IQSEC1: variants seen among roughly 807,000 people sequenced by gnomAD.
IQSEC1 encodes IQ motif and Sec7 domain ArfGEF 1, also known as IQ motif and SEC7 domain-containing protein 1.
A neutral mutation model predicts 91.0 loss-of-function variants in IQSEC1; 31 were observed. The observed-to-expected ratio is 0.34, with a 90% CI of 0.26 to 0.46. The LOEUF (loss-of-function observed/expected upper bound fraction) is 0.46, where lower values mean the gene tolerates loss of function less well. IQSEC1 is among the 20% of genes least tolerant of loss of function. The pLI is 1.00. For missense variants in IQSEC1, 1,388 were observed against 1,575.6 expected, an observed-to-expected ratio of 0.88 and a Z score of 2.02; for synonymous variants, 699 against 662.6, an observed-to-expected ratio of 1.05 and a Z score of -0.84.
chr3:13,179,334 CA>C (rs1166754386), intron 1 of IQSEC1, among the ~76,000 whole-genome samples: 1 of 152,014 alleles, frequency 6.6e-6, no homozygotes, highest in Non-Finnish European at 1.5e-5. Flanking sequence ...TCAAGGCAGC[CA>C]GAATAAAAAG....
At chr3:12,976,669 T>C (rs1701190534) in intron 1 of IQSEC1, among the ~76,000 whole-genome samples, 1 of 152,254 alleles carries the variant, frequency 6.6e-6, no homozygotes, top group African/African-American at 2.4e-5. Context: ...TCCATCATTA[T>C]CTGGCTTAAT....
At chr3:13,222,881 C>G (rs1286421601) in intron 1 of IQSEC1, among the ~76,000 whole-genome samples, 2 of 152,196 alleles carry the variant, frequency 1.3e-5, no homozygotes, top group Non-Finnish European at 2.9e-5. Context: ...ACTGGCTGGT[C>G]CCCCATGGCA....
chr3:13,206,520 GC>G (rs1185415788), intron 1 of IQSEC1, among the ~76,000 whole-genome samples: 1 of 152,172 alleles, frequency 6.6e-6, no homozygotes, highest in Non-Finnish European at 1.5e-5. Context: ...ATCTCCATAG[GC>G]ACATATGACC....
At chr3:13,134,551 G>A (rs765117922) in intron 2 of IQSEC1, among the ~76,000 whole-genome samples, 3 of 152,240 alleles carry the variant, frequency 2.0e-5, no homozygotes, top group African/African-American at 4.8e-5. Context: ...CTTGGCATCC[G>A]CAGCGCGAGC....
At position 13,228,680 on chromosome 3, in the gene IQSEC1, C is replaced by T. The variant is rs190185773; in HGVS notation, c.272+54031G>A. On this transcript the variant is annotated intron_variant, in intron 1 of 15. Transcript: ENST00000648114. ...AGGATCTGGCCCTGCTCACTTCCCC[C>T]ATCTCAGCTCCTTCCTCTCACCCTT... 8.2e-3 allele frequency among the ~76,000 whole-genome samples: 1,249 copies of T among 152,332 alleles called. 14 individuals carry two copies. Among genetic ancestry groups the T allele is most frequent in the Non-Finnish European group, 9.6e-3 (653 of 68,028 alleles).
intron 1 of IQSEC1, among the ~76,000 whole-genome samples, chr3:13,273,503 T>G (rs1466010867): frequency 1.3e-5 from 2 of 152,116 alleles, no homozygotes; most frequent in Non-Finnish European, 2.9e-5. Flanking sequence ...CTGGAGCCAC[T>G]CCTTTGGTTC....
chr3:13,167,219 C>G (rs1372769535), intron 1 of IQSEC1, among the ~76,000 whole-genome samples: 1 of 152,194 alleles, frequency 6.6e-6, no homozygotes, highest in African/African-American at 2.4e-5. Flanking sequence ...GATGCTTTTG[C>G]ATGGGCTGTC....
At chr3:13,075,338 T>A (rs114647363), upstream of IQSEC1, among the ~76,000 whole-genome samples, 1 of 151,906 alleles carries the variant, frequency 6.6e-6, no homozygotes, top group Admixed American at 6.5e-5. Flanking sequence ...CATACGGGGG[T>A]CTCCCATCAA....
chr3:13,063,887 C>T (rs1705151568), intron 1 of IQSEC1, among the ~76,000 whole-genome samples: 1 of 152,150 alleles, frequency 6.6e-6, no homozygotes, highest in South Asian at 2.1e-4. Context: ...AGGTCACTGG[C>T]TGTCTGCTGT....
chr3:13,192,303 A>G (rs1269933455), intron 1 of IQSEC1, among the ~76,000 whole-genome samples: 1 of 149,906 alleles, frequency 6.7e-6, no homozygotes, highest in Non-Finnish European at 1.5e-5. Context: ...GCACCACTGC[A>G]CTCCAGCCTG....
chr3:13,249,167 CTTTTTTT>C (rs60976247), intron 1 of IQSEC1, among the ~76,000 whole-genome samples: 1 of 106,730 alleles, frequency 9.4e-6, no homozygotes, highest in Admixed American at 1.0e-4. Flanking sequence ...GAAGGAATTT[CTTTTTTT>C]TTTTTTTTTT....
chr3:13,205,194 A>G (rs1444911670), intron 1 of IQSEC1, among the ~76,000 whole-genome samples: 1 of 151,882 alleles, frequency 6.6e-6, no homozygotes, highest in African/African-American at 2.4e-5. Flanking sequence ...CTCCCACCCC[A>G]TCCTGAACAG....
At position 12,910,935 on chromosome 3, in the gene IQSEC1, G is replaced by C. The variant is rs75120984; in HGVS notation, c.2416+694C>G. Among the ~76,000 whole-genome samples, 691 of 152,302 alleles carry C rather than the reference G, an allele frequency of 4.5e-3. 6 individuals are homozygous for C. The highest frequency in any genetic ancestry group is 0.016 in the African/African-American group (667 of 41,564). ...AGGAGGACTGGCTCAGCCTCCAACA[G>C]GGAAGGGACAAAGGAGGGGGAAGAG... On this transcript the variant is annotated intron_variant, in intron 10 of 13. Coordinates refer to ENST00000613206, the MANE Select transcript of IQSEC1 (RefSeq NM_001134382.3).
At chr3:13,084,831 C>T (rs1050600472) in intron 2 of IQSEC1, among the ~76,000 whole-genome samples, 2 of 152,182 alleles carry the variant, frequency 1.3e-5, no homozygotes, top group East Asian at 3.8e-4. Flanking sequence ...CTGCTCAGAC[C>T]CTGTCTGGGT....
At chr3:12,971,642 A>G (rs540694743) in intron 1 of IQSEC1, among the ~76,000 whole-genome samples, 2 of 152,382 alleles carry the variant, frequency 1.3e-5, no homozygotes, top group South Asian at 4.1e-4. Flanking sequence ...AAGATTGTAT[A>G]ATCATAGATT....
intron 9 of IQSEC1, 41 bp from the exon 10 acceptor site, chr3:12,911,769 G>T: frequency 7.3e-7 from 1 of 1,371,622 alleles, no homozygotes; most frequent in African/African-American, 1.4e-5. Context: ...CAGTGTCTCG[G>T]GGGGCACTGA....
At chr3:13,067,181 C>A (rs1413812813) in intron 1 of IQSEC1, among the ~76,000 whole-genome samples, 1 of 152,214 alleles carries the variant, frequency 6.6e-6, no homozygotes, top group African/African-American at 2.4e-5. Flanking sequence ...TTTTCATCCA[C>A]TCTGCCTGCA....
chr3:12,985,253 C>T (rs1264896749), intron 1 of IQSEC1, among the ~76,000 whole-genome samples: 1 of 152,198 alleles, frequency 6.6e-6, no homozygotes, highest in African/African-American at 2.4e-5. Context: ...ACCCTCAGCC[C>T]TCTCACTGAG....
intron 1 of IQSEC1, among the ~76,000 whole-genome samples, chr3:12,977,940 GA>G (rs1412486477): frequency 2.6e-5 from 4 of 152,208 alleles, no homozygotes; most frequent in Admixed American, 1.3e-4. Context: ...CTGTCATTGA[GA>G]ATGTGTGCAT....
Sources: gnomAD v4.1 joint callset for allele counts (sites outside exome capture counted in the v4.1 genomes callset) on GRCh38, gnomAD v4.1.1 for gene constraint, MANE v1.5 for transcripts, NCBI Gene and HGNC (gene_info 2026-07-23, HGNC 2026-07-21) for gene names.